CAPN2: variants seen among roughly 807,000 people sequenced by gnomAD.
CAPN2 encodes calpain 2, also known as calpain-2 catalytic subunit.
CAPN2 carries 92 observed loss-of-function variants against 102.3 expected under a neutral mutation model. The observed-to-expected ratio is 0.90, with a 90% CI of 0.76 to 1.07. The LOEUF is 1.07. Among genes scored for constraint, CAPN2 ranks in the 50% least tolerant of loss-of-function variants. The pLI, the probability that CAPN2 is intolerant of heterozygous loss-of-function variation, is 0.00. For synonymous variants in CAPN2, 340 were observed against 355.4 expected, an observed-to-expected ratio of 0.96 and a Z score of 0.49; for missense variants, 800 against 909.4, an observed-to-expected ratio of 0.88 and a Z score of 1.55.
At chr1:223,761,676 A>G in intron 13 of CAPN2, 59 bp downstream of exon 13, 2 of 1,434,644 alleles carry the variant, frequency 1.4e-6, no homozygotes, top group Non-Finnish European at 1.9e-6. Flanking sequence ...AGAGCAGAGG[A>G]GCAAAAAAAC....
intron 1 of CAPN2, among the ~76,000 whole-genome samples, chr1:223,715,969 G>A (rs536923284): frequency 4.6e-5 from 7 of 152,110 alleles, no homozygotes; most frequent in Non-Finnish European, 7.3e-5. Flanking sequence ...TGTTTTCATC[G>A]TTCCCATTTT....
intron 19 of CAPN2, 75 bp from the exon 20 acceptor site, chr1:223,772,106 G>T: frequency 7.2e-7 from 1 of 1,388,586 alleles, no homozygotes; most frequent in Non-Finnish European, 1.0e-6. Context: ...GAAGTCAGTT[G>T]CTGAACTGAA....
In CAPN2 at chr1:223,747,123, G is replaced by A; in HGVS notation, c.687G>A (p.Gln229=). ...CTCCCAACCTGTTCAAGATCATCCA[G>A]AAAGCTCTGCAAAAAGGCTCTCTCC... The part of the protein sequence containing the change: ...KPPPNLFKII[Q]KALQKGSLLG... Residue 229 remains glutamine, a synonymous_variant, in exon 5 of 21, where the codon CAG becomes CAA. Coordinates refer to ENST00000295006, the MANE Select transcript of CAPN2 (RefSeq NM_001748.5). 1 of 1,614,006 alleles carries A rather than the reference G, an allele frequency of 6.2e-7. No homozygotes were observed. Among genetic ancestry groups the A allele is most frequent in the Non-Finnish European group, 8.5e-7 (1 of 1,179,944 alleles).
chr1:223,740,449 C>T (rs1337087664), intron 2 of CAPN2, among the ~76,000 whole-genome samples: 4 of 152,166 alleles, frequency 2.6e-5, no homozygotes, highest in Admixed American at 6.5e-5. Context: ...TTGGCTGGAA[C>T]AGGACCTCCC....
intron 2 of CAPN2, among the ~76,000 whole-genome samples, chr1:223,722,970 G>C (rs1324872157): frequency 6.6e-6 from 1 of 152,182 alleles, no homozygotes. Flanking sequence ...TGATGACCTT[G>C]ACAGTTTTGG....
upstream of CAPN2, among the ~76,000 whole-genome samples, chr1:223,711,205 C>T (rs1335499761): frequency 2.0e-5 from 3 of 152,166 alleles, no homozygotes; most frequent in African/African-American, 7.2e-5. Context: ...CAAAACTGCC[C>T]CCAGTTGAGA....
Position 223,769,924 on chromosome 1 carries a change from A to G in CAPN2, c.1824+15A>G. The G allele has an allele frequency of 5.7e-6, 9 of 1,570,894 alleles. No individual in the cohort carries two copies. Among genetic ancestry groups the G allele is most frequent in the Non-Finnish European group, 7.8e-6 (9 of 1,152,514 alleles). ...AAAAATACCAAGTAAGATCCCAGAG[A>G]TGCGGGTGGATCTGTGTTGGGAAAC... On this transcript the variant is annotated intron_variant, in intron 17 of 20. Coordinates refer to ENST00000295006, the MANE Select transcript of CAPN2 (RefSeq NM_001748.5).
intron 6 of CAPN2, chr1:223,749,620 T>G (rs566691589): frequency 3.0e-5 from 5 of 167,836 alleles, no homozygotes; most frequent in African/African-American, 9.6e-5. Context: ...TGGAAGGTCG[T>G]GGCGATTCAA....
chr1:223,759,443 C>G lies in CAPN2; in HGVS notation c.1491C>G (p.Phe497Leu). 2.5e-6 allele frequency: 4 copies of G among 1,614,176 alleles called. No individual in the cohort carries two copies. Among genetic ancestry groups the G allele is most frequent in the Non-Finnish European group, 3.4e-6 (4 of 1,180,044 alleles). ...STFEPNKDGD[F>L]CIRVFSEKKA... is the part of the protein sequence containing the mutation. The stretch of plus-strand genomic sequence containing the variant: ...TCGAACCCAACAAGGATGGGGATTT[C>G]TGCATCCGGGTCTTTTCTGAAAAGA... The change falls in exon 12 of 21, where the codon TTC (phenylalanine) becomes TTG (leucine). Residue 497 changes from phenylalanine (F) to leucine (L), a missense_variant. Physicochemically the swap from Phe to Leu is conservative, Grantham distance 22 (BLOSUM62 0). Transcript: ENST00000295006. This position sits in a 1 kb window ranked among gnomAD's most constrained non-coding sequence, Gnocchi z 4.6.
At chr1:223,719,404 T>C (rs1370668857) in intron 2 of CAPN2, among the ~76,000 whole-genome samples, 1 of 152,026 alleles carries the variant, frequency 6.6e-6, no homozygotes, top group East Asian at 1.9e-4. Context: ...CTGGACGTGG[T>C]GGTGGGTGCC....
chr1:223,732,839 G>C (rs1031091080), intron 2 of CAPN2, among the ~76,000 whole-genome samples: 1 of 152,098 alleles, frequency 6.6e-6, no homozygotes, highest in Non-Finnish European at 1.5e-5. Flanking sequence ...GGTAACAAGG[G>C]GTTGCCTGTT....
chr1:223,758,606 G>A (rs28370109), intron 11 of CAPN2: 12 of 152,948 alleles, frequency 7.8e-5, no homozygotes, highest in African/African-American at 2.4e-4. Context: ...CTCTGCAGGC[G>A]GAGCTGAATG....
chr1:223,771,531 A>G (rs557809724), intron 18 of CAPN2: 22 of 366,222 alleles, frequency 6.0e-5, no homozygotes, highest in African/African-American at 4.2e-4. Context: ...ATGGTTAACA[A>G]CATGAAGCAA....
intron 16 of CAPN2, 70 bp downstream of exon 16, chr1:223,766,501 C>A: frequency 8.3e-7 from 1 of 1,197,932 alleles, no homozygotes; most frequent in Non-Finnish European, 1.2e-6. Flanking sequence ...AAGATTCAAA[C>A]ACATGGCCTT....
chr1:223,764,603 G>A (rs1484105810), intron 15 of CAPN2, among the ~76,000 whole-genome samples: 1 of 152,192 alleles, frequency 6.6e-6, no homozygotes, highest in Non-Finnish European at 1.5e-5. Context: ...ACAGGCAAGT[G>A]CCACCACAGC....
intron 15 of CAPN2, among the ~76,000 whole-genome samples, chr1:223,765,589 C>G (rs1329471431): frequency 6.6e-6 from 1 of 152,332 alleles, no homozygotes; most frequent in South Asian, 2.1e-4. Context: ...GAGCAGCATT[C>G]GCTCCGCGCG....
intron 2 of CAPN2, among the ~76,000 whole-genome samples, chr1:223,734,193 T>C (rs1660396622): frequency 6.6e-6 from 1 of 151,958 alleles, no homozygotes; most frequent in Non-Finnish European, 1.5e-5. Flanking sequence ...CAGGCCTGGG[T>C]GGCCACTCTT....
chr1:223,718,932 T>C (rs1285998896), intron 2 of CAPN2, among the ~76,000 whole-genome samples: 1 of 152,178 alleles, frequency 6.6e-6, no homozygotes, highest in Non-Finnish European at 1.5e-5. Flanking sequence ...CTAGACTCCC[T>C]AAGACGGGAC....
intron 9 of CAPN2, among the ~76,000 whole-genome samples, chr1:223,753,876 T>C (rs1354937281): frequency 6.6e-6 from 1 of 152,216 alleles, no homozygotes; most frequent in African/African-American, 2.4e-5. Context: ...CTAAGATATG[T>C]TATGTATATA....
Sources: gnomAD v4.1 joint callset for allele counts (sites outside exome capture counted in the v4.1 genomes callset) on GRCh38, gnomAD v4.1.1 for gene constraint, Gnocchi (gnomAD v3.1) non-coding constraint, MANE v1.5 for transcripts, NCBI Gene and HGNC (gene_info 2026-07-23, HGNC 2026-07-21) for gene names.